Variants in MAML2 observed in about 807,000 individuals in gnomAD.
MAML2 encodes the protein mastermind like transcriptional coactivator 2.
A neutral mutation model predicts 96.1 loss-of-function variants in MAML2; 22 were observed. The ratio of observed to expected loss-of-function variants is 0.23; its 90% CI spans 0.16 to 0.33. The LOEUF (loss-of-function observed/expected upper bound fraction) is 0.33. Among genes scored for constraint, MAML2 ranks in the 10% least tolerant of loss-of-function variants. The pLI, the probability that MAML2 is intolerant of heterozygous loss-of-function variation, is 1.00. For missense variants in MAML2, 1,367 were observed against 1,392.4 expected, an observed-to-expected ratio of 0.98 and a Z score of 0.29; for synonymous variants, 561 against 521.3, an observed-to-expected ratio of 1.08 and a Z score of -1.04.
At chr11:96,277,894 C>T (rs1207599776) in intron 1 of MAML2, among the ~76,000 whole-genome samples, 1 of 150,080 alleles carries the variant, frequency 6.7e-6, no homozygotes, top group Non-Finnish European at 1.5e-5. Context: ...TGCTCTAGAA[C>T]TGCTAAAACC....
chr11:96,122,497 G>GGTGT (rs67940033), intron 1 of MAML2, among the ~76,000 whole-genome samples: 7,643 of 135,664 alleles, frequency 0.056, 283 homozygotes, highest in African/African-American at 0.11. Flanking sequence ...TTTTAGGCTG[G>GGTGT]GTGTGTGTGT....
chr11:96,215,353 A>T (rs1267129759), intron 1 of MAML2, among the ~76,000 whole-genome samples: 5 of 152,226 alleles, frequency 3.3e-5, no homozygotes, highest in Non-Finnish European at 7.3e-5. Context: ...CGACCTCTTT[A>T]ACACCAGCAT....
At chr11:96,219,688 C>A (rs1258222887) in intron 1 of MAML2, among the ~76,000 whole-genome samples, 1 of 152,130 alleles carries the variant, frequency 6.6e-6, no homozygotes, top group East Asian at 1.9e-4. Context: ...TGCAGTGGCA[C>A]AAGCTCGGCT....
At chr11:96,167,775 T>C (rs1861217206) in intron 1 of MAML2, among the ~76,000 whole-genome samples, 1 of 152,196 alleles carries the variant, frequency 6.6e-6, no homozygotes, top group Non-Finnish European at 1.5e-5. Context: ...ATTTGTAAAA[T>C]ACTGTGCTAG....
chr11:96,183,744 G>C (rs1403167886), intron 1 of MAML2, among the ~76,000 whole-genome samples: 2 of 152,030 alleles, frequency 1.3e-5, no homozygotes, highest in Non-Finnish European at 2.9e-5. Context: ...TTTCAGAGCA[G>C]TCTTAGGTTT....
intron 2 of MAML2, among the ~76,000 whole-genome samples, chr11:96,000,894 T>C (rs1858068932): frequency 6.6e-6 from 1 of 152,166 alleles, no homozygotes; most frequent in African/African-American, 2.4e-5. Flanking sequence ...CTGATATAAC[T>C]TATTGGGGGT....
intron 2 of MAML2, among the ~76,000 whole-genome samples, chr11:96,087,559 T>G (rs748318609): frequency 3.9e-5 from 6 of 152,108 alleles, no homozygotes; most frequent in Non-Finnish European, 7.4e-5. Flanking sequence ...ATCTCTCGAG[T>G]CTCTATCCCA....
At chr11:95,994,266 A>T (rs973565948) in intron 2 of MAML2, among the ~76,000 whole-genome samples, 5 of 152,136 alleles carry the variant, frequency 3.3e-5, no homozygotes, top group Non-Finnish European at 5.9e-5. Flanking sequence ...AATTACAGCC[A>T]TCTCTGAGGT....
chr11:96,203,864 A>G (rs1339830386), intron 1 of MAML2, among the ~76,000 whole-genome samples: 2 of 152,250 alleles, frequency 1.3e-5, no homozygotes, highest in African/African-American at 4.8e-5. Context: ...GTGCAAAAAC[A>G]CATTTTAAAC....
At chr11:96,196,611 T>C (rs1307075575) in intron 1 of MAML2, among the ~76,000 whole-genome samples, 2 of 152,238 alleles carry the variant, frequency 1.3e-5, no homozygotes, top group Admixed American at 6.5e-5. Flanking sequence ...TAACAGGGGA[T>C]GCCCCCTCCC....
At chr11:96,179,220 T>A (rs112366370) in intron 1 of MAML2, among the ~76,000 whole-genome samples, 2,289 of 152,296 alleles carry the variant, frequency 0.015, 75 homozygotes, top group African/African-American at 0.052. Flanking sequence ...TAACTAGATA[T>A]GCCAACTGTT....
At chr11:96,324,277 A>C (rs909742573) in intron 1 of MAML2, among the ~76,000 whole-genome samples, 4 of 152,246 alleles carry the variant, frequency 2.6e-5, no homozygotes, top group African/African-American at 9.6e-5. Flanking sequence ...CTCACTTGCC[A>C]AATGGGAATA....
At chr11:95,986,596 T>G (rs774179041) in intron 3 of MAML2, among the ~76,000 whole-genome samples, 25 of 152,154 alleles carry the variant, frequency 1.6e-4, no homozygotes, top group Non-Finnish European at 2.6e-4. Context: ...GAATTTTATC[T>G]CTTTTTTACC....
chr11:96,136,286 T>C (rs1355594834), intron 1 of MAML2, among the ~76,000 whole-genome samples: 4 of 150,224 alleles, frequency 2.7e-5, no homozygotes, highest in Non-Finnish European at 5.9e-5. Context: ...AATTTGCCAC[T>C]TCCCTCTGAC....
chr11:96,229,956 CTATGTTTGGT>C (rs1324590088), intron 1 of MAML2, among the ~76,000 whole-genome samples: 1 of 152,074 alleles, frequency 6.6e-6, no homozygotes, highest in Non-Finnish European at 1.5e-5. Context: ...CAGAAAAGTA[CTATGTTTGGT>C]ATGCAAATAT....
intron 1 of MAML2, among the ~76,000 whole-genome samples, chr11:96,250,557 T>C (rs1043241066): frequency 6.6e-6 from 1 of 152,220 alleles, no homozygotes; most frequent in African/African-American, 2.4e-5. Flanking sequence ...CCTTTATATC[T>C]AGCAGTTAGA....
At chr11:96,137,186 CA>C (rs1329584819) in intron 1 of MAML2, among the ~76,000 whole-genome samples, 2 of 152,242 alleles carry the variant, frequency 1.3e-5, no homozygotes, top group East Asian at 3.9e-4. Context: ...TCATAGAAAT[CA>C]AGTATAAAGA....
intron 2 of MAML2, among the ~76,000 whole-genome samples, chr11:96,044,370 T>C (rs1858863168): frequency 6.6e-6 from 1 of 152,222 alleles, no homozygotes. Flanking sequence ...AAAGGTTCTC[T>C]GCTCCCAGTT....
intron 1 of MAML2, among the ~76,000 whole-genome samples, chr11:96,122,496 G>GT (rs1491221743): frequency 4.9e-5 from 3 of 61,248 alleles, no homozygotes; most frequent in East Asian, 4.8e-4. Flanking sequence ...CTTTTAGGCT[G>GT]GGTGTGTGTG....
Sources: allele counts gnomAD v4.1 joint callset (sites outside exome capture counted in the v4.1 genomes callset), GRCh38; gene constraint gnomAD v4.1.1; transcripts MANE v1.5; gene names NCBI Gene and HGNC (gene_info 2026-07-23, HGNC 2026-07-21).